The following TSNAX variants were observed in gnomAD, a reference collection of about 807,000 sequenced individuals.
TSNAX encodes translin associated factor X.
In TSNAX, 12 loss-of-function variants were observed where a neutral mutation model predicts 33.0. That is an observed-to-expected ratio of 0.36 (90% CI 0.23 to 0.59). The LOEUF is 0.59. Ranked by LOEUF, TSNAX falls within the 20% of genes least tolerant of loss-of-function variation. The probability of loss-of-function intolerance (pLI) is 0.74; values close to 1 mark genes in which losing one functional copy is unlikely to be tolerated. For missense variants in TSNAX, 267 were observed against 341.3 expected (o/e 0.78, Z 1.72); for synonymous variants, 110 against 117.2 (o/e 0.94, Z 0.40).
At chr1:231,559,985 AT>A (rs1220762707) in intron 4 of TSNAX, among the ~76,000 whole-genome samples, 1,586 of 142,268 alleles carry the variant, frequency 0.011, 32 homozygotes, top group African/African-American at 0.038. Context: ...TATTATTATT[AT>A]TTTTTTTTTT....
At chr1:231,539,815 G>T (rs1659440080) in intron 3 of TSNAX, among the ~76,000 whole-genome samples, 1 of 152,020 alleles carries the variant, frequency 6.6e-6, no homozygotes, top group African/African-American at 2.4e-5. Context: ...GAAAATAATA[G>T]ACTTCAGAAA....
At chr1:231,537,832 A>C (rs1005763441) in intron 3 of TSNAX, among the ~76,000 whole-genome samples, 1 of 151,876 alleles carries the variant, frequency 6.6e-6, no homozygotes, top group African/African-American at 2.4e-5. Context: ...TGTTAAGATT[A>C]TTCATTAAGA....
chr1:231,559,873 T>C (rs1029327861), intron 4 of TSNAX, among the ~76,000 whole-genome samples: 2 of 151,758 alleles, frequency 1.3e-5, no homozygotes, highest in Non-Finnish European at 2.9e-5. Flanking sequence ...CTTAGATCCA[T>C]TTTGAACTAT....
chr1:231,542,823 A>T, intron 4 of TSNAX: 1 of 454,034 alleles, frequency 2.2e-6, no homozygotes, highest in Non-Finnish European at 3.9e-6. Context: ...ATTGATTTTA[A>T]TAAAGTATTT....
At chr1:231,563,687 C>T (rs1453870973) in intron 5 of TSNAX, 2 of 134,562 alleles carry the variant, frequency 1.5e-5, no homozygotes, top group African/African-American at 2.8e-5. Context: ...GGGATAAAGG[C>T]AGTTGTGAGA....
intron 4 of TSNAX, among the ~76,000 whole-genome samples, chr1:231,557,569 A>G (rs1362531066): frequency 6.6e-6 from 1 of 152,168 alleles, no homozygotes; most frequent in East Asian, 1.9e-4. Context: ...CTTAGCTCTG[A>G]GGAGGAGGAG....
chr1:231,532,193 G>GTT (rs969859385), intron 2 of TSNAX, among the ~76,000 whole-genome samples: 781 of 47,390 alleles, frequency 0.016, 30 homozygotes, highest in African/African-American at 0.056. Flanking sequence ...CACAGTTTTG[G>GTT]TTTTTTTTTT....
At chr1:231,529,138 C>A in intron 1 of TSNAX, 117 bp from the exon 2 acceptor site, 1 of 1,042,014 alleles carries the variant, frequency 9.6e-7, no homozygotes. Flanking sequence ...GAGAAAGCCT[C>A]TAAGGCGAGG....
intron 4 of TSNAX, among the ~76,000 whole-genome samples, chr1:231,543,937 T>C (rs1288182139): frequency 1.3e-5 from 2 of 152,200 alleles, no homozygotes; most frequent in Non-Finnish European, 2.9e-5. Flanking sequence ...CAGATTTGGC[T>C]GGAGTGGGAG....
chr1:231,555,816 G>A (rs899192902), intron 4 of TSNAX, among the ~76,000 whole-genome samples: 2 of 152,130 alleles, frequency 1.3e-5, no homozygotes, highest in Non-Finnish European at 2.9e-5. Context: ...GGTCCTCTGT[G>A]ATAATTAAGG....
chr1:231,565,793 C>G lies in TSNAX; in HGVS notation c.*888C>G, dbSNP rs749747730. The G allele has an allele frequency of 1.3e-5, 2 of 152,016 alleles. No individual in the cohort carries two copies. Among genetic ancestry groups the G allele is most frequent in the African/African-American group, 2.4e-5 (1 of 41,386 alleles). The allele number at this position is 152,016 out of a possible 1,614,324, so 9.4% of individuals were successfully genotyped here. A position where few individuals can be genotyped will look rare whatever the true frequency, so the allele number is the denominator to read the frequency against. On this transcript the variant is annotated 3_prime_UTR_variant, in exon 6 of 6. Coordinates refer to ENST00000366639, the MANE Select transcript of TSNAX (RefSeq NM_005999.3). ...TTATAGTGAAAAATTCGCATTCTGGCTGATTTTAAGCCATTTAAAATTTAT... is the reference window on the plus strand; with the variant it reads ...TTATAGTGAAAAATTCGCATTCTGGGTGATTTTAAGCCATTTAAAATTTAT...
At chr1:231,538,067 A>G (rs1257134568) in intron 3 of TSNAX, among the ~76,000 whole-genome samples, 2 of 151,930 alleles carry the variant, frequency 1.3e-5, no homozygotes, top group African/African-American at 4.8e-5. Flanking sequence ...CTGTTTTCTT[A>G]TTTTACATTT....
intron 1 of TSNAX, among the ~76,000 whole-genome samples, 165 bp downstream of exon 1, chr1:231,528,991 C>T (rs1408878071): frequency 2.0e-5 from 3 of 152,204 alleles, no homozygotes; most frequent in African/African-American, 7.2e-5. Flanking sequence ...CTGTTTACAC[C>T]TCCTTTTTTC....
Position 231,565,095 on chromosome 1 carries a change from G to C in TSNAX, c.*190G>C, listed in dbSNP as rs1262513115. 1.4e-6 allele frequency: 1 copy of C among 722,224 alleles called. No homozygotes were observed. Among genetic ancestry groups the C allele is most frequent in the African/African-American group, 1.8e-5 (1 of 55,988 alleles). 44.7% of individuals were successfully genotyped at this position (722,224 alleles called of 1,614,324 possible). A position where few individuals can be genotyped will look rare whatever the true frequency, so the allele number is the denominator to read the frequency against. The stretch of plus-strand genomic sequence containing the variant: ...GAATCATTTCTTATATCTTATTCAT[G>C]AAAGTTTGCATACAGATGTTTGCAT... On this transcript the variant is annotated 3_prime_UTR_variant, in exon 6 of 6. Transcript: ENST00000366639.
At chr1:231,537,048 GTCTTGATC>G in intron 2 of TSNAX, 157 bp from the exon 3 acceptor site, 1 of 485,422 alleles carries the variant, frequency 2.1e-6, no homozygotes, top group Non-Finnish European at 3.7e-6. Flanking sequence ...GGCCAGGATG[GTCTTGATC>G]TCTTGACCTC....
chr1:231,545,973 C>T (rs1414734083), intron 4 of TSNAX, among the ~76,000 whole-genome samples: 1 of 152,322 alleles, frequency 6.6e-6, no homozygotes, highest in African/African-American at 2.4e-5. Flanking sequence ...CTTAACTTTA[C>T]AACCTAACTC....
At chr1:231,558,858 T>C (rs778566734) in intron 4 of TSNAX, among the ~76,000 whole-genome samples, 5 of 152,196 alleles carry the variant, frequency 3.3e-5, no homozygotes, top group African/African-American at 9.7e-5. Context: ...CAGAACATTA[T>C]GGTTTGTTAA....
At position 231,545,291 on chromosome 1, in the gene TSNAX, C is replaced by G. The variant is rs1230830674; in HGVS notation, c.367+2680C>G. ...CTTTTGACTTGAAGATAAAACAATT[C>G]TGGCAATGAACTAAAGGAGTTCTGT... On this transcript the variant is annotated intron_variant, in intron 4 of 5. Transcript: ENST00000366639. Among the ~76,000 whole-genome samples the G allele has an allele frequency of 6.6e-5, 10 of 152,126 alleles. 1 individual carries two copies. The highest frequency in any genetic ancestry group is 5.2e-4 in the Admixed American group (8 of 15,272).
intron 5 of TSNAX, among the ~76,000 whole-genome samples, chr1:231,564,216 TGTTC>T (rs1231493299): frequency 1.3e-5 from 2 of 152,204 alleles, no homozygotes; most frequent in Non-Finnish European, 1.5e-5. Flanking sequence ...TATTAAGCCT[TGTTC>T]AAGAATATTT....
Sources: allele counts gnomAD v4.1 joint callset (sites outside exome capture counted in the v4.1 genomes callset), GRCh38; gene constraint gnomAD v4.1.1; transcripts MANE v1.5; gene names NCBI Gene and HGNC (gene_info 2026-07-23, HGNC 2026-07-21).